The following C21orf58 variants were observed in gnomAD, a reference collection of about 807,000 sequenced individuals.
C21orf58 encodes the protein uncharacterized protein C21orf58.
C21orf58 carries 34 observed loss-of-function variants against 35.8 expected under a neutral mutation model. That is an observed-to-expected ratio of 0.95 (90% CI 0.72 to 1.26). C21orf58 has a LOEUF of 1.26. Among genes scored for constraint, C21orf58 ranks in the 50% most tolerant of loss-of-function variants. The probability of loss-of-function intolerance (pLI) is 0.00; values close to 1 mark genes in which losing one functional copy is unlikely to be tolerated. For missense variants in C21orf58, 440 were observed against 414.3 expected, an observed-to-expected ratio of 1.06 and a Z score of -0.54; for synonymous variants, 191 against 175.8, an observed-to-expected ratio of 1.09 and a Z score of -0.68.
At position 46,314,798 on chromosome 21, in the gene C21orf58, G is replaced by C. The variant is rs1358821982; in HGVS notation, c.527C>G (p.Pro176Arg). ...TAGGATGCCCGTGGGGGGCAGCTCT[G>C]GGGGCAGGGCTGACCCGAGGGCTCC... Reference protein sequence around the residue: ...SRGALGSALPPELPPTGILPT... With the variant: ...SRGALGSALPRELPPTGILPT... Residue 176 changes from proline to arginine, a missense_variant, in exon 5 of 8, where the codon CCA becomes CGA. Transcript: ENST00000291691. 6.5e-7 allele frequency: 1 copy of C among 1,540,322 alleles called. No homozygotes were observed. Among genetic ancestry groups the C allele is most frequent in the East Asian group, 2.5e-5 (1 of 40,682 alleles).
intron 6 of C21orf58, among the ~76,000 whole-genome samples, chr21:46,307,688 A>C (rs576227084): frequency 1.2e-4 from 18 of 152,340 alleles, no homozygotes; most frequent in African/African-American, 4.1e-4. Flanking sequence ...AATATATGAT[A>C]GAGCTACAGT....
intron 6 of C21orf58, among the ~76,000 whole-genome samples, chr21:46,303,420 C>T (rs1182065542): frequency 6.6e-6 from 1 of 151,682 alleles, no homozygotes; most frequent in Admixed American, 6.6e-5. Flanking sequence ...AAGGATGGAA[C>T]ACTCAAAATG....
chr21:46,300,997 T>C (rs2082087778), downstream of C21orf58: 1 of 877,056 alleles, frequency 1.1e-6, no homozygotes, highest in Admixed American at 3.9e-5. Context: ...GCCCTTCCAC[T>C]GCCCAGCACT....
chr21:46,318,545 G>A, intron 1 of C21orf58: 1 of 1,243,508 alleles, frequency 8.0e-7, no homozygotes, highest in Non-Finnish European at 1.0e-6. Flanking sequence ...TGTGTGTCAG[G>A]GGAGGGCGCC....
chr21:46,321,040 T>A (rs1028241599), intron 1 of C21orf58, among the ~76,000 whole-genome samples: 3 of 152,120 alleles, frequency 2.0e-5, no homozygotes, highest in Admixed American at 6.5e-5. Context: ...ACTTTTTTTT[T>A]AAATAGGGTT....
chr21:46,319,692 G>T (rs965727108), intron 1 of C21orf58, among the ~76,000 whole-genome samples: 1 of 151,692 alleles, frequency 6.6e-6, no homozygotes, highest in African/African-American at 2.4e-5. Context: ...AGGTCAGGAG[G>T]TCGAGACAAC....
At position 46,301,880 on chromosome 21, in the gene C21orf58, GC is replaced by G; in HGVS notation, c.*118del. 1 of 1,329,056 alleles carries G rather than the reference GC, an allele frequency of 7.5e-7. No homozygotes were observed. The highest frequency in any genetic ancestry group is 3.0e-5 in the East Asian group (1 of 33,024). The allele number at this position is 1,329,056 out of a possible 1,614,324, so 82.3% of individuals were successfully genotyped here. ...GGAGCCTGCAGTCCACACTCGCGTA[GC>G]CACTCCGGGTGGTGGCAGGGTCTCT... On this transcript the variant is annotated 3_prime_UTR_variant, in exon 8 of 8. Coordinates refer to ENST00000291691, the MANE Select transcript of C21orf58 (RefSeq NM_058180.5).
At chr21:46,308,289 C>G (rs182510106) in intron 6 of C21orf58, among the ~76,000 whole-genome samples, 1 of 152,158 alleles carries the variant, frequency 6.6e-6, no homozygotes, top group South Asian at 2.1e-4. Flanking sequence ...GGAGAAACCC[C>G]GTCTCTACTA....
intron 6 of C21orf58, among the ~76,000 whole-genome samples, chr21:46,308,655 T>C (rs1233472539): frequency 6.6e-6 from 1 of 151,846 alleles, no homozygotes; most frequent in Non-Finnish European, 1.5e-5. Flanking sequence ...TGTGGCAGTA[T>C]TGAGAGGTGG....
chr21:46,304,992 C>T (rs768714469), intron 6 of C21orf58, among the ~76,000 whole-genome samples: 11 of 152,224 alleles, frequency 7.2e-5, no homozygotes, highest in African/African-American at 2.2e-4. Context: ...CAGGACACAG[C>T]GAACACAGTC....
intron 1 of C21orf58, chr21:46,322,419 G>T (rs2083200088): frequency 2.0e-6 from 2 of 984,664 alleles, no homozygotes; most frequent in African/African-American, 1.7e-5. Flanking sequence ...CATCCCCTCA[G>T]TCCCACAGTT....
intron 6 of C21orf58, among the ~76,000 whole-genome samples, chr21:46,303,145 C>G (rs1293825438): frequency 6.6e-6 from 1 of 151,792 alleles, no homozygotes; most frequent in Admixed American, 6.6e-5. Flanking sequence ...GCCTGGGCAA[C>G]CAGGGCGAAA....
intron 5 of C21orf58, among the ~76,000 whole-genome samples, chr21:46,312,499 A>C (rs1195012878): frequency 6.6e-6 from 1 of 152,006 alleles, no homozygotes; most frequent in African/African-American, 2.4e-5. Flanking sequence ...TTGTGTTTTT[A>C]GTATAGACGG....
chr21:46,312,205 T>C (rs1453534658), intron 5 of C21orf58, among the ~76,000 whole-genome samples: 9 of 152,190 alleles, frequency 5.9e-5, no homozygotes. Context: ...AGTCTAGATA[T>C]CACTTAGGAT....
Position 46,303,757 on chromosome 21 carries a change from T to TTA in C21orf58, c.722-1182_722-1181insTA, listed in dbSNP as rs1555925625. ...TATATATATATATATTTTTTTTTTT[T>TTA]TTTTTTTTTTTGGAGACAGAGTCTT... On this transcript the variant is annotated intron_variant, in intron 6 of 7. Transcript: ENST00000291691. Among the ~76,000 whole-genome samples, 87 of 82,220 alleles carry TTA rather than the reference T, an allele frequency of 1.1e-3. 2 individuals are homozygous for TTA. The highest frequency in any genetic ancestry group is 2.0e-3 in the Non-Finnish European group (79 of 40,180). 53.9% of individuals were successfully genotyped at this position (82,220 alleles called of 152,430 possible). A position where few individuals can be genotyped will look rare whatever the true frequency, so the allele number is the denominator to read the frequency against.
chr21:46,305,503 T>C (rs999200547), intron 6 of C21orf58, among the ~76,000 whole-genome samples: 3 of 151,952 alleles, frequency 2.0e-5, no homozygotes, highest in African/African-American at 7.3e-5. Context: ...CTAATTTTGA[T>C]ATGTTTTGTA....
chr21:46,316,559 G>A (rs1601699036), intron 3 of C21orf58, among the ~76,000 whole-genome samples: 1 of 152,340 alleles, frequency 6.6e-6, no homozygotes, highest in South Asian at 2.1e-4. Flanking sequence ...TTAGGCACAG[G>A]GGTCCTGCCC....
chr21:46,311,978 T>TCCATCCAC (rs1182015067), intron 5 of C21orf58, among the ~76,000 whole-genome samples: 2 of 12,166 alleles, frequency 1.6e-4, no homozygotes, highest in African/African-American at 6.8e-4. Flanking sequence ...CACCCACCCA[T>TCCATCCAC]CCATCCACCC....
intron 1 of C21orf58, chr21:46,318,468 G>A (rs1406402503): frequency 7.2e-7 from 1 of 1,394,118 alleles, no homozygotes; most frequent in African/African-American, 1.5e-5. Flanking sequence ...AGAACCCTCA[G>A]ACCTGGGGGA....
Sources: gnomAD v4.1 joint callset for allele counts (sites outside exome capture counted in the v4.1 genomes callset) on GRCh38, gnomAD v4.1.1 for gene constraint, MANE v1.5 for transcripts, NCBI Gene and HGNC (gene_info 2026-07-23, HGNC 2026-07-21) for gene names.